Variants in MICU2 observed in about 807,000 individuals in gnomAD.
The protein encoded by MICU2 is mitochondrial calcium uptake 2, also known as calcium uptake protein 2, mitochondrial.
In MICU2, 64 loss-of-function variants were observed where a neutral mutation model predicts 60.4. The ratio of observed to expected loss-of-function variants is 1.06; its 90% CI spans 0.87 to 1.31. The LOEUF is 1.31. Ranked by LOEUF, MICU2 falls within the 50% of genes most tolerant of loss-of-function variation. The pLI is 0.00. For missense variants in MICU2, 569 were observed against 531.0 expected, an observed-to-expected ratio of 1.07 and a Z score of -0.70; for synonymous variants, 201 against 175.0, an observed-to-expected ratio of 1.15 and a Z score of -1.17.
At chr13:21,495,871 A>G in intron 10 of MICU2, 181 bp downstream of exon 10, 1 of 523,310 alleles carries the variant, frequency 1.9e-6, no homozygotes, top group Non-Finnish European at 3.3e-6. Context: ...AAATAAAAGT[A>G]TAGAAAGTAA....
At chr13:21,592,290 T>C (rs1888600819) in intron 1 of MICU2, among the ~76,000 whole-genome samples, 1 of 152,204 alleles carries the variant, frequency 6.6e-6, no homozygotes, top group African/African-American at 2.4e-5. Flanking sequence ...CCTGGACACA[T>C]ACACCTTACC....
intron 4 of MICU2, among the ~76,000 whole-genome samples, chr13:21,538,575 A>AAAAC (rs1887194645): frequency 6.6e-6 from 1 of 151,146 alleles, no homozygotes; most frequent in Non-Finnish European, 1.5e-5. Flanking sequence ...AAAAAAAAAA[A>AAAAC]AAAAACCCCA....
chr13:21,574,675 T>C (rs1370627852), intron 1 of MICU2, among the ~76,000 whole-genome samples: 1 of 152,220 alleles, frequency 6.6e-6, no homozygotes, highest in Non-Finnish European at 1.5e-5. Context: ...GCTTTCAATA[T>C]ATATATACAT....
chr13:21,590,474 ATCT>A (rs1049524917), intron 1 of MICU2, among the ~76,000 whole-genome samples: 5 of 152,338 alleles, frequency 3.3e-5, no homozygotes, highest in African/African-American at 4.8e-5. Context: ...TTAAAAATAA[ATCT>A]TCTCTTTGTG....
chr13:21,603,813 C>T (rs1249002220), intron 1 of MICU2, 126 bp downstream of exon 1: 4 of 1,094,134 alleles, frequency 3.7e-6, no homozygotes, highest in Non-Finnish European at 5.2e-6. Context: ...CAGGGCGCTC[C>T]GATCCGCAGC....
rs189751436 is a variant in MICU2 at position 21,544,376 on chromosome 13, G to A, written c.359-4688C>T. Among the ~76,000 whole-genome samples the A allele has an allele frequency of 1.7e-3, 264 of 151,686 alleles. 3 individuals are homozygous for A. Among genetic ancestry groups the A allele is most frequent in the African/African-American group, 6.2e-3 (255 of 41,402 alleles). The stretch of plus-strand genomic sequence containing the variant: ...GTAAAACGCTTCTGTACAGCAAAGG[G>A]AACAAACAAGGGTAAAAAGACAACC... On this transcript the variant is annotated intron_variant, in intron 2 of 11. Transcript: ENST00000382374.
intron 9 of MICU2, among the ~76,000 whole-genome samples, chr13:21,498,536 G>A (rs1037595951): frequency 7.2e-5 from 11 of 151,882 alleles, no homozygotes; most frequent in Middle Eastern, 3.2e-3. Flanking sequence ...CCACCACCAC[G>A]TCCGGCTAAT....
chr13:21,599,885 C>G (rs1176443059), intron 1 of MICU2, among the ~76,000 whole-genome samples: 2 of 152,188 alleles, frequency 1.3e-5, no homozygotes, highest in Non-Finnish European at 2.9e-5. Context: ...GAGATACTTA[C>G]AACAACTCTA....
chr13:21,603,736 CA>C, intron 1 of MICU2: 1 of 594,414 alleles, frequency 1.7e-6, no homozygotes, highest in Non-Finnish European at 2.9e-6. Flanking sequence ...CTCCGGTCAC[CA>C]GCCTCGAAGG....
In MICU2 at chr13:21,521,253, A is replaced by C; in HGVS notation, c.589T>G (p.Phe197Val). 6.2e-7 allele frequency: 1 copy of C among 1,602,406 alleles called. No individual in the cohort carries two copies. Among genetic ancestry groups the C allele is most frequent in the Non-Finnish European group, 8.5e-7 (1 of 1,176,182 alleles). Residue 197 changes from phenylalanine (F) to valine (V), a missense_variant, in exon 6 of 12, where the codon TTT (phenylalanine) becomes GTT (valine). Coordinates refer to ENST00000382374, the MANE Select transcript of MICU2 (RefSeq NM_152726.3). ...DGNEMIEKRE[F>V]FKLQKIISKQ... is the part of the protein sequence containing the mutation. ...AATTAGCGTCCACTTACCTTAAAAA[A>C]TTCCCTTTTTTCAATCATCTCATTA...
intron 1 of MICU2, among the ~76,000 whole-genome samples, chr13:21,593,571 C>CAAAAAA (rs71093338): frequency 0.094 from 5,894 of 62,440 alleles, 46 homozygotes; most frequent in Middle Eastern, 0.13. Context: ...CAATCCTAAG[C>CAAAAAA]AAAAAAAAAA....
chr13:21,527,960 G>A (rs1044814020), intron 4 of MICU2, among the ~76,000 whole-genome samples: 4 of 152,104 alleles, frequency 2.6e-5, no homozygotes, highest in Admixed American at 6.5e-5. Context: ...AAATATGACC[G>A]CTGTTAAGTA....
intron 1 of MICU2, among the ~76,000 whole-genome samples, chr13:21,574,306 A>T (rs1431243400): frequency 6.6e-6 from 1 of 152,222 alleles, no homozygotes; most frequent in Admixed American, 6.5e-5. Flanking sequence ...GAGCAGAAGA[A>T]ATGCTGGGAT....
intron 4 of MICU2, among the ~76,000 whole-genome samples, chr13:21,534,635 C>A (rs1887089294): frequency 6.6e-6 from 1 of 152,136 alleles, no homozygotes; most frequent in Non-Finnish European, 1.5e-5. Flanking sequence ...AGCAAAAATA[C>A]TCAAGGGATT....
intron 8 of MICU2, among the ~76,000 whole-genome samples, chr13:21,504,346 G>T (rs1886244868): frequency 6.6e-6 from 1 of 151,860 alleles, no homozygotes; most frequent in Admixed American, 6.6e-5. Flanking sequence ...AGAAGATAGG[G>T]CATAAAACCA....
intron 2 of MICU2, among the ~76,000 whole-genome samples, chr13:21,552,647 T>C (rs1373333598): frequency 1.3e-5 from 2 of 152,382 alleles, no homozygotes; most frequent in African/African-American, 2.4e-5. Flanking sequence ...TTTCTAAATA[T>C]GGCTAGCCAG....
intron 9 of MICU2, among the ~76,000 whole-genome samples, chr13:21,499,751 A>T (rs551756429): frequency 1.3e-5 from 2 of 150,998 alleles, no homozygotes; most frequent in Non-Finnish European, 2.9e-5. Flanking sequence ...CACCGACTGC[A>T]TTTTTGTTCC....
At chr13:21,510,662 G>C (rs1384443636) in intron 7 of MICU2, among the ~76,000 whole-genome samples, 2 of 151,968 alleles carry the variant, frequency 1.3e-5, no homozygotes, top group Non-Finnish European at 2.9e-5. Flanking sequence ...ACAACAAAAG[G>C]GGGTATAAGT....
At chr13:21,595,218 C>A (rs1272258345) in intron 1 of MICU2, among the ~76,000 whole-genome samples, 1 of 152,198 alleles carries the variant, frequency 6.6e-6, no homozygotes, top group African/African-American at 2.4e-5. Flanking sequence ...AAAATCCACA[C>A]TTCTTTGCTT....
Sources: allele counts gnomAD v4.1 joint callset (sites outside exome capture counted in the v4.1 genomes callset), GRCh38; gene constraint gnomAD v4.1.1; transcripts MANE v1.5; gene names NCBI Gene and HGNC (gene_info 2026-07-23, HGNC 2026-07-21).